Variants in GRIN2A observed in about 807,000 individuals in gnomAD.
GRIN2A encodes the protein glutamate ionotropic receptor NMDA type subunit 2A.
In GRIN2A, 22 loss-of-function variants were observed where a neutral mutation model predicts 113.4. The observed-to-expected ratio is 0.19, with a 90% CI of 0.14 to 0.28. The LOEUF (loss-of-function observed/expected upper bound fraction) is 0.28, where lower values mean the gene tolerates loss of function less well. Ranked by LOEUF, GRIN2A falls within the 10% of genes least tolerant of loss-of-function variation. GRIN2A has a pLI of 1.00. For missense variants in GRIN2A, 1,502 were observed against 1,887.0 expected (o/e 0.80, Z 3.78); for synonymous variants, 827 against 738.4 (o/e 1.12, Z -1.94).
chr16:9,820,630 C>G (rs1241883233), intron 10 of GRIN2A, among the ~76,000 whole-genome samples: 1 of 152,094 alleles, frequency 6.6e-6, no homozygotes, highest in Non-Finnish European at 1.5e-5. Context: ...CAATGTTGAG[C>G]CAAAGACGAC....
chr16:9,801,746 A>G (rs536761174), intron 10 of GRIN2A, among the ~76,000 whole-genome samples: 1 of 152,346 alleles, frequency 6.6e-6, no homozygotes, highest in East Asian at 1.9e-4. Flanking sequence ...ACACATTGGC[A>G]TGACTGGGGT....
chr16:10,100,839 C>T (rs1387502102), intron 2 of GRIN2A, among the ~76,000 whole-genome samples: 1 of 152,312 alleles, frequency 6.6e-6, no homozygotes, highest in East Asian at 1.9e-4. Context: ...CTCAGCCAGG[C>T]TCCCTAACCA....
At chr16:9,859,060 C>T (rs1161114860) in intron 4 of GRIN2A, among the ~76,000 whole-genome samples, 1 of 152,176 alleles carries the variant, frequency 6.6e-6, no homozygotes, top group Non-Finnish European at 1.5e-5. Context: ...CCCTCCATGT[C>T]TCATGCTGCC....
chr16:9,946,149 T>C (rs1452143780), intron 2 of GRIN2A, among the ~76,000 whole-genome samples: 1 of 152,198 alleles, frequency 6.6e-6, no homozygotes, highest in African/African-American at 2.4e-5. Context: ...AAGGAGGCCC[T>C]GCTGAGATTC....
At chr16:10,112,572 G>A (rs564137924) in intron 2 of GRIN2A, 13 of 772,374 alleles carry the variant, frequency 1.7e-5, no homozygotes, top group Admixed American at 5.1e-5. Context: ...GCCCAGCGGC[G>A]AGTACTTCTT....
intron 2 of GRIN2A, among the ~76,000 whole-genome samples, chr16:9,949,758 T>A (rs1014144440): frequency 1.3e-5 from 2 of 151,750 alleles, no homozygotes; most frequent in Non-Finnish European, 2.9e-5. Context: ...GGTGGATGGA[T>A]GGATGGATGG....
chr16:9,820,008 C>T (rs2042251873), intron 10 of GRIN2A, among the ~76,000 whole-genome samples: 1 of 151,262 alleles, frequency 6.6e-6, no homozygotes, highest in Non-Finnish European at 1.5e-5. Context: ...AAGCATCCCC[C>T]ACATGGGAGA....
intron 2 of GRIN2A, among the ~76,000 whole-genome samples, chr16:10,119,324 G>A (rs1358661430): frequency 6.6e-6 from 1 of 151,564 alleles, no homozygotes; most frequent in Non-Finnish European, 1.5e-5. Context: ...TTTGACACAG[G>A]TGGATATCTT....
intron 2 of GRIN2A, among the ~76,000 whole-genome samples, chr16:10,154,600 A>AT (rs148940150): frequency 0.014 from 2,127 of 152,308 alleles, 31 homozygotes; most frequent in Middle Eastern, 0.027. Context: ...CACTGAACAC[A>AT]TTAACACATA....
chr16:10,059,216 T>C (rs8056682), intron 2 of GRIN2A, among the ~76,000 whole-genome samples: 5,902 of 152,164 alleles, frequency 0.039, 413 homozygotes, highest in African/African-American at 0.14. Flanking sequence ...GTTTTAGTTG[T>C]GCCTTAAGTG....
At chr16:9,938,697 G>A (rs921127519) in intron 2 of GRIN2A, 146 bp from the exon 3 acceptor site, 1 of 685,342 alleles carries the variant, frequency 1.5e-6, no homozygotes, top group East Asian at 2.7e-5. Context: ...CCAGACTCCA[G>A]AACAGATCCT....
intron 10 of GRIN2A, among the ~76,000 whole-genome samples, chr16:9,821,505 A>G (rs1182832773): frequency 3.3e-5 from 5 of 152,186 alleles, no homozygotes; most frequent in Non-Finnish European, 7.4e-5. Flanking sequence ...GACTTTTCAG[A>G]AGAGTCCATG....
intron 10 of GRIN2A, among the ~76,000 whole-genome samples, chr16:9,804,095 C>T (rs897730646): frequency 1.3e-5 from 2 of 152,066 alleles, no homozygotes; most frequent in African/African-American, 4.8e-5. Context: ...TCCAGTCCAT[C>T]GGAAGACATG....
chr16:9,813,381 C>CT (rs1187622922), intron 10 of GRIN2A, among the ~76,000 whole-genome samples: 5 of 152,196 alleles, frequency 3.3e-5, no homozygotes, highest in Non-Finnish European at 5.9e-5. Context: ...TCAGAAGAAA[C>CT]TTTTTTCTAG....
intron 2 of GRIN2A, among the ~76,000 whole-genome samples, chr16:10,097,579 G>T (rs1010679122): frequency 3.3e-5 from 5 of 152,158 alleles, no homozygotes; most frequent in Admixed American, 6.5e-5. Flanking sequence ...CCCAGGGACT[G>T]GAAAGGGATC....
At position 10,108,161 on chromosome 16, in the gene GRIN2A, A is replaced by AAG. The variant is rs556726182; in HGVS notation, c.414+71836_414+71837insCT. 5.9e-5 allele frequency among the ~76,000 whole-genome samples: 9 copies of AAG among 152,356 alleles called. No homozygotes were observed. In the East Asian group the frequency reaches 1.7e-3, roughly 29 times the overall value. ...GAAACTGGGAAGAAAAAGAGGTTTAATGGACTTACAGTACCACATGGCTGG... is the reference window on the plus strand; with the variant it reads ...GAAACTGGGAAGAAAAAGAGGTTTAAAGTGGACTTACAGTACCACATGGCTGG... On this transcript the variant is annotated intron_variant, in intron 2 of 12. Coordinates refer to ENST00000330684, the MANE Select transcript of GRIN2A (RefSeq NM_001134407.3).
At chr16:9,989,294 A>C (rs547963095) in intron 2 of GRIN2A, among the ~76,000 whole-genome samples, 1 of 152,320 alleles carries the variant, frequency 6.6e-6, no homozygotes, top group Admixed American at 6.5e-5. Context: ...ATGAGGAAAG[A>C]ACCCCCATCC....
At chr16:10,071,628 T>C (rs568169085) in intron 2 of GRIN2A, among the ~76,000 whole-genome samples, 1 of 152,188 alleles carries the variant, frequency 6.6e-6, no homozygotes, top group South Asian at 2.1e-4. Flanking sequence ...AGAGGACAAA[T>C]GATGAGTCTC....
chr16:10,039,276 C>G (rs2047097112), intron 2 of GRIN2A, among the ~76,000 whole-genome samples: 1 of 152,180 alleles, frequency 6.6e-6, no homozygotes, highest in African/African-American at 2.4e-5. Flanking sequence ...TTCTCAGATG[C>G]TCTCTTGCTC....
Sources: allele counts gnomAD v4.1 joint callset (sites outside exome capture counted in the v4.1 genomes callset), GRCh38; gene constraint gnomAD v4.1.1; transcripts MANE v1.5; gene names NCBI Gene and HGNC (gene_info 2026-07-23, HGNC 2026-07-21).